UST: variants seen among roughly 807,000 people sequenced by gnomAD.
The protein encoded by UST is chondroitin sulfate 2-O-sulfotransferase.
A neutral mutation model predicts 45.6 loss-of-function variants in UST; 21 were observed. The ratio of observed to expected loss-of-function variants is 0.46; its 90% CI spans 0.33 to 0.66. UST has a LOEUF of 0.66. Among genes scored for constraint, UST ranks in the 30% least tolerant of loss-of-function variants. UST has a pLI of 0.02. For missense variants in UST, 463 were observed against 512.4 expected (o/e 0.90, Z 0.93); for synonymous variants, 215 against 200.6 (o/e 1.07, Z -0.61).
At position 148,986,335 on chromosome 6, in the gene UST, GA is replaced by G. The variant is rs770560441; in HGVS notation, c.681+21773del. 3.3e-5 allele frequency among the ~76,000 whole-genome samples: 5 copies of G among 152,186 alleles called. No homozygotes were observed. The South Asian group carries it at 1.0e-3, about 32-fold the overall frequency. On this transcript the variant is annotated intron_variant, in intron 5 of 7. Coordinates refer to ENST00000367463, the MANE Select transcript of UST (RefSeq NM_005715.3). ...GTATTATTATACCTGTTTTGCAGAT[GA>G]GATGCCAAGGATTACAGAGGTTAAG...
intron 3 of UST, among the ~76,000 whole-genome samples, chr6:148,952,031 T>C (rs1217717113): frequency 1.3e-5 from 2 of 152,266 alleles, no homozygotes; most frequent in Non-Finnish European, 2.9e-5. Flanking sequence ...CCAGTTTTCT[T>C]GTACAGTACT....
At position 149,073,978 on chromosome 6, in the gene UST, G is replaced by A. The variant is rs1421037764; in HGVS notation, c.1083G>A (p.Lys361=). 2 of 1,614,186 alleles carry A rather than the reference G, an allele frequency of 1.2e-6. No individual in the cohort carries two copies. The highest frequency in any genetic ancestry group is 1.7e-6 in the Non-Finnish European group (2 of 1,180,018). Residue 361 remains lysine (K), a synonymous_variant, in exon 8 of 8, where the codon AAG becomes AAA. Coordinates refer to ENST00000367463, the MANE Select transcript of UST (RefSeq NM_005715.3). ...AGCAGTTCCACCTGCTGAAGCGCAAGTTTGGACTTAAGTCTCACGTCAGCA... is the reference window on the plus strand; with the variant it reads ...AGCAGTTCCACCTGCTGAAGCGCAAATTTGGACTTAAGTCTCACGTCAGCA... ...VKEQFHLLKR[K]FGLKSHVSKP... is the part of the protein sequence containing the mutation.
intron 1 of UST, among the ~76,000 whole-genome samples, chr6:148,877,222 ATCGTGTGTGGGTGCGGGGGG>A (rs1582870610): frequency 2.4e-4 from 1 of 4,226 alleles, no homozygotes; most frequent in African/African-American, 1.3e-3. Context: ...GGGTGGGGGG[ATCGTGTGTGGGTGCGGGGGG>A]TCGTGTGTGG....
At chr6:148,836,598 A>C (rs1777790250) in intron 1 of UST, among the ~76,000 whole-genome samples, 1 of 152,226 alleles carries the variant, frequency 6.6e-6, no homozygotes, top group Non-Finnish European at 1.5e-5. Context: ...TCTAAGTTAC[A>C]TCTAGCTCTG....
At chr6:148,982,355 T>C (rs1781154989) in intron 5 of UST, among the ~76,000 whole-genome samples, 1 of 152,136 alleles carries the variant, frequency 6.6e-6, no homozygotes, top group African/African-American at 2.4e-5. Flanking sequence ...CAACTCGGCC[T>C]CCCAAAGTGC....
At chr6:148,866,520 A>G (rs1778436571) in intron 1 of UST, among the ~76,000 whole-genome samples, 1 of 152,184 alleles carries the variant, frequency 6.6e-6, no homozygotes, top group South Asian at 2.1e-4. Context: ...GAATGAGAGC[A>G]CTACCTAGTG....
chr6:148,765,871 G>T (rs545538203), intron 1 of UST, among the ~76,000 whole-genome samples: 124 of 152,286 alleles, frequency 8.1e-4, no homozygotes, highest in African/African-American at 3.0e-3. Flanking sequence ...CTCTGGCTAG[G>T]ACTTCTACTA....
intron 2 of UST, among the ~76,000 whole-genome samples, chr6:148,915,387 C>A (rs1298800745): frequency 1.3e-5 from 2 of 152,082 alleles, no homozygotes; most frequent in African/African-American, 4.8e-5. Context: ...GCCCCTGGAG[C>A]TCTAGCCATC....
At position 148,748,399 on chromosome 6, in the gene UST, TTGTGTGTGTGTG is replaced by T. The variant is rs34342100; in HGVS notation, c.247+765_247+776del. On this transcript the variant is annotated intron_variant, in intron 1 of 7. Coordinates refer to ENST00000367463, the MANE Select transcript of UST (RefSeq NM_005715.3). This position sits in a 1 kb window ranked among gnomAD's most constrained non-coding sequence, Gnocchi z 5.3. ...GTGCGTCTCAAGCTCAAGTCAAAAC[TTGTGTGTGTGTG>T]TGTGTGTGTGTGTGTGTGTGTGTGT... Among the ~76,000 whole-genome samples the T allele has an allele frequency of 0.088, 11,225 of 127,506 alleles. 570 individuals carry two copies. Among genetic ancestry groups the T allele is most frequent in the Non-Finnish European group, 0.11 (6,900 of 60,822 alleles). 83.6% of individuals were successfully genotyped at this position (127,506 alleles called of 152,430 possible). A position where few individuals can be genotyped will look rare whatever the true frequency, so the allele number is the denominator to read the frequency against.
intron 2 of UST, among the ~76,000 whole-genome samples, chr6:148,892,375 A>G (rs1286909432): frequency 1.3e-5 from 2 of 152,348 alleles, no homozygotes; most frequent in East Asian, 1.9e-4. Flanking sequence ...TGAAATTAAA[A>G]CAAACTACAA....
chr6:148,829,718 C>T (rs2114756769), intron 1 of UST, among the ~76,000 whole-genome samples: 1 of 152,234 alleles, frequency 6.6e-6, no homozygotes, highest in East Asian at 1.9e-4. Context: ...TTTATATATT[C>T]AGAAACACTT....
chr6:148,816,692 A>G (rs1777362666), intron 1 of UST, among the ~76,000 whole-genome samples: 1 of 152,244 alleles, frequency 6.6e-6, no homozygotes, highest in Non-Finnish European at 1.5e-5. Flanking sequence ...TTACTTACAT[A>G]TAAGAAAACC....
At chr6:148,899,125 A>G (rs1165492615) in intron 2 of UST, among the ~76,000 whole-genome samples, 32 of 101,570 alleles carry the variant, frequency 3.2e-4, no homozygotes, top group African/African-American at 1.2e-3. Flanking sequence ...TTTGAGATGG[A>G]GTCTCGCTCT....
intron 5 of UST, among the ~76,000 whole-genome samples, chr6:148,995,100 C>T (rs1781427255): frequency 1.3e-5 from 2 of 152,126 alleles, no homozygotes. Flanking sequence ...TCTCGGCTCA[C>T]TGCAACCTCC....
intron 1 of UST, among the ~76,000 whole-genome samples, chr6:148,750,255 C>T (rs1775964613): frequency 6.6e-6 from 1 of 152,142 alleles, no homozygotes; most frequent in Non-Finnish European, 1.5e-5. Context: ...ACACAATGGC[C>T]ACTCAATAAA....
intron 4 of UST, among the ~76,000 whole-genome samples, chr6:148,956,455 G>A (rs756498130): frequency 7.3e-4 from 111 of 152,118 alleles, no homozygotes; most frequent in Admixed American, 1.1e-3. Flanking sequence ...TCGCTACCAC[G>A]AGAACAGTAT....
intron 1 of UST, among the ~76,000 whole-genome samples, chr6:148,771,640 G>A (rs894602138): frequency 6.6e-6 from 1 of 152,190 alleles, no homozygotes; most frequent in Non-Finnish European, 1.5e-5. Context: ...GAATTTAAAG[G>A]CATCTTTCTA....
chr6:148,895,709 A>G (rs1779114473), intron 2 of UST, among the ~76,000 whole-genome samples: 1 of 152,012 alleles, frequency 6.6e-6, no homozygotes, highest in African/African-American at 2.4e-5. Flanking sequence ...ACTGATTCTC[A>G]CTCTCTTCTC....
At chr6:148,904,158 G>A (rs1779314373) in intron 2 of UST, among the ~76,000 whole-genome samples, 1 of 152,058 alleles carries the variant, frequency 6.6e-6, no homozygotes, top group Non-Finnish European at 1.5e-5. Context: ...ACACAACTGT[G>A]GTCTGAAATT....
Sources: allele counts gnomAD v4.1 joint callset (sites outside exome capture counted in the v4.1 genomes callset), GRCh38; gene constraint gnomAD v4.1.1; non-coding constraint Gnocchi (gnomAD v3.1); transcripts MANE v1.5; gene names NCBI Gene and HGNC (gene_info 2026-07-23, HGNC 2026-07-21).